TTC12: variants seen among roughly 807,000 people sequenced by gnomAD.
The protein encoded by TTC12 is tetratricopeptide repeat domain 12.
A neutral mutation model predicts 90.1 loss-of-function variants in TTC12; 70 were observed. The observed-to-expected ratio is 0.78, with a 90% CI of 0.64 to 0.95. The LOEUF (loss-of-function observed/expected upper bound fraction) is 0.95. Ranked by LOEUF, TTC12 falls within the 40% of genes least tolerant of loss-of-function variation. TTC12 has a pLI of 0.00. For missense variants in TTC12, 819 were observed against 846.1 expected, an observed-to-expected ratio of 0.97 and a Z score of 0.40; for synonymous variants, 296 against 311.5, an observed-to-expected ratio of 0.95 and a Z score of 0.53.
At chr11:113,351,150 A>G in intron 14 of TTC12, 89 bp from the exon 15 acceptor site, 2 of 1,232,180 alleles carry the variant, frequency 1.6e-6, no homozygotes, top group Non-Finnish European at 2.4e-6. Context: ...ATGGACCTAG[A>G]GTTTGCAACA....
At position 113,347,561 on chromosome 11, in the gene TTC12, C is replaced by T. The variant is rs80254243; in HGVS notation, c.1155-2512C>T. 4.6e-5 allele frequency among the ~76,000 whole-genome samples: 7 copies of T among 152,304 alleles called. No homozygotes were observed. In the East Asian group the frequency reaches 1.3e-3, roughly 29 times the overall value. ...CTGATTGAGATAAATTATCTCCTTACACTGTGCACAAGTTGCCTGCCCCGT... is the reference window on the plus strand; with the variant it reads ...CTGATTGAGATAAATTATCTCCTTATACTGTGCACAAGTTGCCTGCCCCGT... On this transcript the variant is annotated intron_variant, in intron 13 of 21. Transcript: ENST00000529221.
chr11:113,327,092 G>A (rs1947740740), intron 6 of TTC12, among the ~76,000 whole-genome samples: 1 of 152,170 alleles, frequency 6.6e-6, no homozygotes, highest in Non-Finnish European at 1.5e-5. Context: ...AAATTGAATT[G>A]CTTTAAAAAA....
At position 113,335,017 on chromosome 11, in the gene TTC12, G is replaced by A; in HGVS notation, c.556G>A (p.Ala186Thr). Residue 186 changes from alanine to threonine, a missense_variant, in exon 8 of 22, where the codon GCC (alanine) becomes ACC (threonine). By Grantham distance (58) the Ala-to-Thr change is moderately conservative. Coordinates refer to ENST00000529221, the MANE Select transcript of TTC12 (RefSeq NM_017868.4). ...TTTTCACATGGGAAAAGCCAACCTG[G>A]CCCTGAAGAACTACAGTGTGGTAAG... ...AYFHMGKANL[A>T]LKNYSVSREC... 1.2e-6 allele frequency: 2 copies of A among 1,613,692 alleles called. No individual in the cohort carries two copies. The highest frequency in any genetic ancestry group is 1.7e-6 in the Non-Finnish European group (2 of 1,179,632).
chr11:113,347,832 ATCTG>A (rs1467934459), intron 13 of TTC12, among the ~76,000 whole-genome samples: 1 of 152,148 alleles, frequency 6.6e-6, no homozygotes, highest in Non-Finnish European at 1.5e-5. Flanking sequence ...ATGGCCTGTC[ATCTG>A]TCTTTCTTAA....
chr11:113,314,638 C>G lies in TTC12; in HGVS notation c.-16+20C>G, dbSNP rs1946801714. The G allele has an allele frequency of 6.5e-6, 1 of 152,856 alleles. No homozygotes were observed. 9.5% of individuals were successfully genotyped at this position (152,856 alleles called of 1,614,324 possible). On this transcript the variant is annotated intron_variant, in intron 1 of 21. Coordinates refer to ENST00000529221, the MANE Select transcript of TTC12 (RefSeq NM_017868.4). Reference sequence around the variant, plus strand: ...AATCAGGTCGGTGCCGCGGGGTACCCCGGAATCCCCCCTGGGAGCTGGTCC... The same window carrying G: ...AATCAGGTCGGTGCCGCGGGGTACCGCGGAATCCCCCCTGGGAGCTGGTCC...
At chr11:113,320,549 C>T (rs996298911) in intron 2 of TTC12, among the ~76,000 whole-genome samples, 3 of 152,184 alleles carry the variant, frequency 2.0e-5, no homozygotes, top group Non-Finnish European at 4.4e-5. Flanking sequence ...TGAAAGCCAC[C>T]TCCACCACTC....
At chr11:113,351,357 G>T in intron 15 of TTC12, 58 bp downstream of exon 15, 2 of 1,402,852 alleles carry the variant, frequency 1.4e-6, no homozygotes, top group Non-Finnish European at 2.0e-6. Context: ...CGTGAATGGG[G>T]CTGTTTAAAC....
At chr11:113,342,053 C>A in intron 12 of TTC12, 128 bp downstream of exon 12, 2 of 766,048 alleles carry the variant, frequency 2.6e-6, no homozygotes, top group Non-Finnish European at 2.3e-6. Flanking sequence ...CACACACCCA[C>A]TCCCTCCAGG....
chr11:113,335,467 T>C lies in TTC12; in HGVS notation c.576+430T>C, dbSNP rs535364690. 7.0e-4 allele frequency among the ~76,000 whole-genome samples: 107 copies of C among 152,286 alleles called. 1 individual carries two copies. In the South Asian group the frequency reaches 0.021, roughly 30 times the overall value. On this transcript the variant is annotated intron_variant, in intron 8 of 21. Transcript: ENST00000529221. Reference sequence around the variant, plus strand: ...TTCATCTGTAGAATATACTAAAAACTATATGATTCAATAGTTTTTAGTATA... The same window carrying C: ...TTCATCTGTAGAATATACTAAAAACCATATGATTCAATAGTTTTTAGTATA...
chr11:113,317,106 T>G (rs1385222309), intron 2 of TTC12, among the ~76,000 whole-genome samples: 1 of 152,222 alleles, frequency 6.6e-6, no homozygotes, highest in Non-Finnish European at 1.5e-5. Context: ...AGCTCTGGCC[T>G]TGGCCCACTG....
At chr11:113,339,006 G>A (rs782463792) in intron 9 of TTC12, among the ~76,000 whole-genome samples, 172 bp downstream of exon 9, 3 of 152,122 alleles carry the variant, frequency 2.0e-5, no homozygotes, top group Non-Finnish European at 2.9e-5. Context: ...TCTGTTTGCT[G>A]TGCTCCCTTG....
At chr11:113,324,211 T>C in intron 4 of TTC12, 196 bp downstream of exon 4, 1 of 561,926 alleles carries the variant, frequency 1.8e-6, no homozygotes, top group Non-Finnish European at 3.1e-6. Context: ...TTTCTCTTGG[T>C]CAACCTTTTG....
chr11:113,348,478 A>G (rs1299076081), intron 13 of TTC12, among the ~76,000 whole-genome samples: 3 of 152,074 alleles, frequency 2.0e-5, no homozygotes, highest in African/African-American at 7.2e-5. Context: ...CTGGTCCCTT[A>G]GCCTTTATTA....
At chr11:113,356,562 G>C (rs139708978) in intron 16 of TTC12, among the ~76,000 whole-genome samples, 43 of 152,306 alleles carry the variant, frequency 2.8e-4, no homozygotes, top group Middle Eastern at 6.8e-3. Context: ...TTCAGTGTGT[G>C]TTTGTAGAAG....
At chr11:113,366,942 C>T (rs1430557902), downstream of TTC12, among the ~76,000 whole-genome samples, 1 of 152,220 alleles carries the variant, frequency 6.6e-6, no homozygotes, top group Non-Finnish European at 1.5e-5. Flanking sequence ...CACCCTGTTC[C>T]ATGGGTTAGA....
intron 21 of TTC12, among the ~76,000 whole-genome samples, chr11:113,371,970 A>G (rs1950398206): frequency 6.6e-6 from 1 of 152,188 alleles, no homozygotes; most frequent in Admixed American, 6.5e-5. Flanking sequence ...TTGGTTGAGC[A>G]TACTTCCATA....
At chr11:113,323,913 G>A in intron 3 of TTC12, 81 bp from the exon 4 acceptor site, 1 of 1,092,390 alleles carries the variant, frequency 9.2e-7, no homozygotes, top group Non-Finnish European at 1.4e-6. Flanking sequence ...TAATTGATTT[G>A]CCTTCTTGGT....
intron 6 of TTC12, among the ~76,000 whole-genome samples, chr11:113,326,868 A>G (rs1947726631): frequency 1.3e-5 from 2 of 152,238 alleles, no homozygotes; most frequent in Admixed American, 6.5e-5. Flanking sequence ...CAGATGTTCA[A>G]TAAATCCTTT....
At chr11:113,362,909 A>C (rs1555155838) in intron 19 of TTC12, among the ~76,000 whole-genome samples, 1 of 152,192 alleles carries the variant, frequency 6.6e-6, no homozygotes, top group East Asian at 1.9e-4. Context: ...CATCTATGAG[A>C]CATGTAGCCT....
Sources: gnomAD v4.1 joint callset for allele counts (sites outside exome capture counted in the v4.1 genomes callset) on GRCh38, gnomAD v4.1.1 for gene constraint, MANE v1.5 for transcripts, NCBI Gene and HGNC (gene_info 2026-07-23, HGNC 2026-07-21) for gene names.